The following ADH1B variants were observed in gnomAD, a reference collection of about 807,000 sequenced individuals.
The protein encoded by ADH1B is all-trans-retinol dehydrogenase [NAD(+)] ADH1B.
ADH1B carries 29 observed loss-of-function variants against 34.6 expected under a neutral mutation model. The observed-to-expected ratio is 0.84, with a 90% CI of 0.62 to 1.14. ADH1B has a LOEUF of 1.14. Ranked by LOEUF, ADH1B falls within the 50% of genes most tolerant of loss-of-function variation. The pLI, the probability that ADH1B is intolerant of heterozygous loss-of-function variation, is 0.00. For missense variants in ADH1B, 424 were observed against 468.4 expected, an observed-to-expected ratio of 0.91 and a Z score of 0.87; for synonymous variants, 170 against 175.5, an observed-to-expected ratio of 0.97 and a Z score of 0.25.
intron 6 of ADH1B, among the ~76,000 whole-genome samples, chr4:99,312,740 C>A (rs978569643): frequency 6.6e-6 from 1 of 152,100 alleles, no homozygotes; most frequent in Non-Finnish European, 1.5e-5. Flanking sequence ...ATACTCTCAG[C>A]ATTTTTGGAG....
At chr4:99,317,680 A>G (rs569046308) in intron 3 of ADH1B, 10 of 209,976 alleles carry the variant, frequency 4.8e-5, no homozygotes, top group Non-Finnish European at 8.4e-5. Context: ...TCCCGTTTCT[A>G]CTTCTATCTG....
At position 99,305,436 on chromosome 4, in the gene ADH1B, C is replaced by T. The variant is rs1245923290; in HGVS notation, c.*2404G>A. 6.8e-6 allele frequency: 1 copy of T among 147,658 alleles called. No individual in the cohort carries two copies. Among genetic ancestry groups the T allele is most frequent in the Admixed American group, 6.9e-5 (1 of 14,502 alleles). 9.1% of individuals were successfully genotyped at this position (147,658 alleles called of 1,614,324 possible). On this transcript the variant is annotated 3_prime_UTR_variant, in exon 9 of 9. Coordinates refer to ENST00000305046, the MANE Select transcript of ADH1B (RefSeq NM_000668.6). ...TCACTCTCATAATCCTGTTTCAGCA[C>T]CTATGAAGGCACTTCTGTGGAATAC...
rs541458412 is a variant in ADH1B at position 99,311,037 on chromosome 4, T to C, written c.965-134A>G. ...TGCTATAACTGAGGATAAGAAGAGA[T>C]ACAGTACTTCAATATGCTTTTACAG... On this transcript the variant is annotated intron_variant, in intron 7 of 8. Coordinates refer to ENST00000305046, the MANE Select transcript of ADH1B (RefSeq NM_000668.6). 12 of 1,058,292 alleles carry C rather than the reference T, an allele frequency of 1.1e-5. No individual in the cohort carries two copies. In the South Asian group the frequency reaches 1.3e-4, roughly 11 times the overall value. The allele number at this position is 1,058,292 out of a possible 1,614,324, so 65.6% of individuals were successfully genotyped here. A position where few individuals can be genotyped will look rare whatever the true frequency, so the allele number is the denominator to read the frequency against.
chr4:99,318,320 GA>G (rs1369109668), intron 2 of ADH1B, 136 bp from the exon 3 acceptor site: 23 of 1,167,092 alleles, frequency 2.0e-5, no homozygotes, highest in Non-Finnish European at 2.8e-5. Flanking sequence ...TCCTAAATAT[GA>G]AAGATTCAGT....
intron 8 of ADH1B, among the ~76,000 whole-genome samples, chr4:99,310,555 G>A (rs1054498115): frequency 3.9e-5 from 6 of 152,048 alleles, no homozygotes; most frequent in South Asian, 2.1e-4. Flanking sequence ...AGTAATCAAC[G>A]TAATTTGACT....
Position 99,321,172 on chromosome 4 carries a change from T to A in ADH1B, c.18+142A>T, listed in dbSNP as rs1734017343. ...ACTGCAGTTCAGTATACATTACATA[T>A]TGAGGTGTATATTGCATATCATATT... is the stretch of plus-strand genomic sequence containing the variant. On this transcript the variant is annotated intron_variant, in intron 1 of 8. Coordinates refer to ENST00000305046, the MANE Select transcript of ADH1B (RefSeq NM_000668.6). The A allele has an allele frequency of 2.1e-5, 15 of 697,704 alleles. No individual in the cohort carries two copies. In the South Asian group the frequency reaches 2.6e-4, roughly 12 times the overall value. The allele number at this position is 697,704 out of a possible 1,614,324, so 43.2% of individuals were successfully genotyped here.
Position 99,307,623 on chromosome 4 carries a change from A to G in ADH1B, c.*217T>C. On this transcript the variant is annotated 3_prime_UTR_variant, in exon 9 of 9. Coordinates refer to ENST00000305046, the MANE Select transcript of ADH1B (RefSeq NM_000668.6). ...GAAGGTTTGTTGGCTTCAATTCCCCAGCTGATGTTCAACACTTTATTTACT... is the reference window on the plus strand; with the variant it reads ...GAAGGTTTGTTGGCTTCAATTCCCCGGCTGATGTTCAACACTTTATTTACT... 1.6e-6 allele frequency: 1 copy of G among 616,450 alleles called. No homozygotes were observed. 38.2% of individuals were successfully genotyped at this position (616,450 alleles called of 1,614,324 possible). A position where few individuals can be genotyped will look rare whatever the true frequency, so the allele number is the denominator to read the frequency against.
At chr4:99,312,852 CAAAAAAAA>C (rs1283580247) in intron 6 of ADH1B, among the ~76,000 whole-genome samples, 3 of 148,478 alleles carry the variant, frequency 2.0e-5, no homozygotes, top group Admixed American at 2.0e-4. Context: ...GACCCTGTCT[CAAAAAAAA>C]GAAAAAAAAG....
At chr4:99,309,722 C>A (rs1733701797) in intron 8 of ADH1B, among the ~76,000 whole-genome samples, 1 of 152,136 alleles carries the variant, frequency 6.6e-6, no homozygotes, top group South Asian at 2.1e-4. Flanking sequence ...TTGAATTCTG[C>A]CTCCCCTTCC....
intron 3 of ADH1B, chr4:99,317,441 GA>G (rs1560529480): frequency 4.6e-5 from 7 of 152,368 alleles, no homozygotes; most frequent in African/African-American, 1.7e-4. Context: ...TAACAAGGCA[GA>G]CATTGTTGAT....
intron 8 of ADH1B, 64 bp downstream of exon 8, chr4:99,310,701 T>G: frequency 6.5e-7 from 1 of 1,547,560 alleles, no homozygotes; most frequent in South Asian, 1.3e-5. Flanking sequence ...CCTTTTTCAT[T>G]CTCTGCTAGA....
Position 99,318,808 on chromosome 4 carries a change from T to C in ADH1B, c.97A>G (p.Lys33Glu), listed in dbSNP as rs1217364029. 2 of 1,613,740 alleles carry C rather than the reference T, an allele frequency of 1.2e-6. No individual in the cohort carries two copies. The highest frequency in any genetic ancestry group is 3.3e-5 in the Admixed American group (2 of 60,008). Residue 33 changes from lysine (K) to glutamate (E), a missense_variant, in exon 2 of 9, where the codon AAG becomes GAG. Transcript: ENST00000305046. Reference sequence around the variant, plus strand: ...ACCTTAATGCGAACTTCATAAGCCTTAGGAGGTGCAACCTCCACATCCTCA... The same window carrying C: ...ACCTTAATGCGAACTTCATAAGCCTCAGGAGGTGCAACCTCCACATCCTCA... ...SIEDVEVAPP[K>E]AYEVRIKMVA... is the part of the protein sequence containing the mutation.
In ADH1B at chr4:99,310,818, A is replaced by G. The variant is rs780694486; in HGVS notation, c.1050T>C (p.Val350=). 6 of 1,613,094 alleles carry G rather than the reference A, an allele frequency of 3.7e-6. No individual in the cohort carries two copies. The highest frequency in any genetic ancestry group is 5.1e-6 in the Non-Finnish European group (6 of 1,179,712). The change falls in exon 8 of 9, where the codon GTT becomes GTC. Residue 350 remains valine (V), a synonymous_variant. Coordinates refer to ENST00000305046, the MANE Select transcript of ADH1B (RefSeq NM_000668.6). ...CTTCATTTATTTTTTCAAAAGGTAA[A>G]ACATGGGTTATTAACGCATCCAGTG... The part of the protein sequence containing the change: ...KFSLDALITH[V]LPFEKINEGF...
intron 3 of ADH1B, 132 bp from the exon 4 acceptor site, chr4:99,316,434 C>G: frequency 1.1e-6 from 1 of 936,730 alleles, no homozygotes. Flanking sequence ...TCAATAATAA[C>G]TATGTCATCT....
chr4:99,313,501 A>T (rs1403328825), intron 6 of ADH1B: 2 of 301,774 alleles, frequency 6.6e-6, no homozygotes, highest in Non-Finnish European at 1.2e-5. Flanking sequence ...ATTTGAGAAC[A>T]GAATTTATAT....
chr4:99,307,905 A>C (rs374059823), intron 8 of ADH1B, 41 bp from the exon 9 acceptor site: 2 of 1,613,486 alleles, frequency 1.2e-6, no homozygotes, highest in Non-Finnish European at 1.7e-6. Context: ...ACATTTAGAC[A>C]ACCCACATGC....
chr4:99,313,601 T>A, intron 6 of ADH1B: 2 of 755,416 alleles, frequency 2.6e-6, no homozygotes, highest in South Asian at 4.9e-5. Flanking sequence ...AACCCTTTTC[T>A]TTTCCTCTAG....
intron 5 of ADH1B, chr4:99,314,296 T>C (rs573866791): frequency 5.6e-5 from 41 of 736,154 alleles, no homozygotes; most frequent in Middle Eastern, 7.9e-4. Context: ...ATTAGATTCA[T>C]CTGGGGAGCT....
At chr4:99,319,303 A>G (rs570653299) in intron 1 of ADH1B, 1 of 243,280 alleles carries the variant, frequency 4.1e-6, no homozygotes, top group African/African-American at 2.3e-5. Context: ...TTTATTGCTC[A>G]ATTTTCTGCT....
Sources: gnomAD v4.1 joint callset for allele counts (sites outside exome capture counted in the v4.1 genomes callset) on GRCh38, gnomAD v4.1.1 for gene constraint, MANE v1.5 for transcripts, NCBI Gene and HGNC (gene_info 2026-07-23, HGNC 2026-07-21) for gene names.